The following SSH2 variants were observed in gnomAD, a reference collection of about 807,000 sequenced individuals.
The protein encoded by SSH2 is slingshot protein phosphatase 2, also known as protein phosphatase Slingshot homolog 2.
In SSH2, 37 loss-of-function variants were observed where a neutral mutation model predicts 135.2. The ratio of observed to expected loss-of-function variants is 0.27; its 90% CI spans 0.21 to 0.36. The LOEUF (loss-of-function observed/expected upper bound fraction) is 0.36. Among genes scored for constraint, SSH2 ranks in the 10% least tolerant of loss-of-function variants. The pLI is 1.00. For missense variants in SSH2, 1,408 were observed against 1,765.3 expected (o/e 0.80, Z 3.63); for synonymous variants, 628 against 646.2 (o/e 0.97, Z 0.43).
chr17:29,929,822 T>A, intron 1 of SSH2, 116 bp downstream of exon 1: 1 of 940,346 alleles, frequency 1.1e-6, no homozygotes, highest in Non-Finnish European at 1.6e-6. Flanking sequence ...GGCAGCCGAG[T>A]GCCAAGGCCT....
chr17:29,927,623 G>A (rs2067091293), intron 1 of SSH2, among the ~76,000 whole-genome samples: 1 of 152,152 alleles, frequency 6.6e-6, no homozygotes, highest in Non-Finnish European at 1.5e-5. Context: ...GCAAGAGATA[G>A]AACAGCAAAA....
intron 1 of SSH2, chr17:29,863,994 T>C (rs921838125): frequency 6.6e-6 from 1 of 152,106 alleles, no homozygotes; most frequent in African/African-American, 2.4e-5. Context: ...AGGTAAAGCA[T>C]TTCAGATTTC....
chr17:29,806,821 T>C (rs1234902475), intron 2 of SSH2, among the ~76,000 whole-genome samples: 1 of 152,216 alleles, frequency 6.6e-6, no homozygotes, highest in African/African-American at 2.4e-5. Context: ...GATCTTAGCT[T>C]CACCTGGGGG....
At chr17:29,746,984 T>C (rs1011483355) in intron 3 of SSH2, among the ~76,000 whole-genome samples, 1 of 152,306 alleles carries the variant, frequency 6.6e-6, no homozygotes, top group Admixed American at 6.5e-5. Flanking sequence ...CAATATAAAG[T>C]CCACAATTAG....
intron 3 of SSH2, among the ~76,000 whole-genome samples, chr17:29,726,561 C>T (rs527937165): frequency 5.3e-4 from 80 of 152,210 alleles, no homozygotes; most frequent in Non-Finnish European, 7.2e-4. Context: ...GTGGTCTGAT[C>T]TGAGCTAATG....
At chr17:29,653,536 C>A (rs182022741) in intron 12 of SSH2, among the ~76,000 whole-genome samples, 3 of 152,032 alleles carry the variant, frequency 2.0e-5, no homozygotes, top group Non-Finnish European at 4.4e-5. Flanking sequence ...ACTGCTATAC[C>A]GCATCTCAGG....
rs981762148 is a variant in SSH2 at position 29,761,109 on chromosome 17, T to C, written c.188+32785A>G. ...AAGCGGCTGCTGAAAGAGCAAACTT[T>C]CTGAGCGTTCGCGGAGGCGGAGGGC... On this transcript the variant is annotated intron_variant, in intron 3 of 15. Transcript: ENST00000540801. 4.7e-6 allele frequency: 6 copies of C among 1,286,944 alleles called. No individual in the cohort carries two copies. The Admixed American group carries it at 1.2e-4, about 25-fold the overall frequency. 79.7% of individuals were successfully genotyped at this position (1,286,944 alleles called of 1,614,324 possible). A position where few individuals can be genotyped will look rare whatever the true frequency, so the allele number is the denominator to read the frequency against.
chr17:29,632,663 G>C lies in SSH2; in HGVS notation c.2531C>G (p.Ala844Gly). 2 of 1,614,140 alleles carry C rather than the reference G, an allele frequency of 1.2e-6. No homozygotes were observed. The highest frequency in any genetic ancestry group is 1.7e-6 in the Non-Finnish European group (2 of 1,180,032). ...TGGGTTGCACATCCCTGAGTCTTTG[G>C]CTAGTTCAGGCTGGGCTGTGCAGGA... ...EDSCTAQPEL[A>G]KDSGMCNPEG... The change falls in exon 16 of 16, where the codon GCC (alanine) becomes GGC (glycine). Residue 844 changes from alanine (A) to glycine (G), a missense_variant. Coordinates refer to ENST00000540801, the MANE Select transcript of SSH2 (RefSeq NM_001282129.2).
intron 2 of SSH2, among the ~76,000 whole-genome samples, chr17:29,804,176 T>C (rs1305455389): frequency 1.3e-5 from 2 of 152,200 alleles, no homozygotes; most frequent in African/African-American, 4.8e-5. Context: ...ATACTTACAA[T>C]TAAAATCAAA....
intron 14 of SSH2, chr17:29,641,838 C>T (rs1413504503): frequency 6.6e-6 from 1 of 151,816 alleles, no homozygotes. Flanking sequence ...AAATGGAGTA[C>T]TTGCGCCTGT....
At chr17:29,864,402 T>A (rs1259803749) in intron 1 of SSH2, among the ~76,000 whole-genome samples, 1 of 151,900 alleles carries the variant, frequency 6.6e-6, no homozygotes, top group Non-Finnish European at 1.5e-5. Flanking sequence ...TTCATATAAA[T>A]GAAGTCTAAG....
chr17:29,734,322 T>C (rs186079566), intron 3 of SSH2, among the ~76,000 whole-genome samples: 1 of 152,230 alleles, frequency 6.6e-6, no homozygotes, highest in Admixed American at 6.5e-5. Context: ...CCAGCGCAAA[T>C]AAGCAAATGG....
At chr17:29,759,500 TACC>T (rs1216578992) in intron 3 of SSH2, among the ~76,000 whole-genome samples, 3 of 152,192 alleles carry the variant, frequency 2.0e-5, no homozygotes, top group African/African-American at 7.2e-5. Flanking sequence ...GTTGTGCAAC[TACC>T]ACCATCCATC....
At chr17:29,858,596 G>C (rs1472873249) in intron 1 of SSH2, among the ~76,000 whole-genome samples, 3 of 152,128 alleles carry the variant, frequency 2.0e-5, no homozygotes, top group African/African-American at 7.2e-5. Context: ...AAAGAGATTA[G>C]GGCCACATGT....
intron 11 of SSH2, among the ~76,000 whole-genome samples, chr17:29,660,269 C>CTTT (rs749186449): frequency 7.1e-6 from 1 of 140,394 alleles, no homozygotes; most frequent in Admixed American, 7.2e-5. Context: ...CTAACCTCTC[C>CTTT]TTTTTTTTTT....
At chr17:29,670,476 T>G (rs998302638) in intron 9 of SSH2, among the ~76,000 whole-genome samples, 5 of 152,218 alleles carry the variant, frequency 3.3e-5, no homozygotes, top group African/African-American at 1.2e-4. Flanking sequence ...TCATACAATT[T>G]TTGGAAAGTT....
intron 2 of SSH2, among the ~76,000 whole-genome samples, chr17:29,841,834 G>A (rs558034520): frequency 3.3e-5 from 5 of 150,828 alleles, no homozygotes; most frequent in South Asian, 2.1e-4. Flanking sequence ...TCAAGTGATC[G>A]TCCCATCTCT....
At chr17:29,663,101 C>G (rs532743180) in intron 11 of SSH2, among the ~76,000 whole-genome samples, 2 of 152,302 alleles carry the variant, frequency 1.3e-5, no homozygotes, top group Admixed American at 6.5e-5. Context: ...ACCCTGGCTT[C>G]CCACCAATCA....
chr17:29,864,437 G>C (rs988665052), intron 1 of SSH2, among the ~76,000 whole-genome samples: 1 of 151,630 alleles, frequency 6.6e-6, no homozygotes, highest in Non-Finnish European at 1.5e-5. Flanking sequence ...TTTTAATTCA[G>C]GTCTCTTATA....
Sources: gnomAD v4.1 joint callset for allele counts (sites outside exome capture counted in the v4.1 genomes callset) on GRCh38, gnomAD v4.1.1 for gene constraint, MANE v1.5 for transcripts, NCBI Gene and HGNC (gene_info 2026-07-23, HGNC 2026-07-21) for gene names.